MTUS1: variants seen among roughly 807,000 people sequenced by gnomAD.
The protein encoded by MTUS1 is microtubule associated scaffold protein 1.
Under a neutral mutation model 120.8 loss-of-function variants are expected in MTUS1, and 109 were observed. The ratio of observed to expected loss-of-function variants is 0.90; its 90% confidence interval spans 0.77 to 1.06. The LOEUF (loss-of-function observed/expected upper bound fraction) is 1.06. MTUS1 is among the 50% of genes least tolerant of loss of function. The pLI, the probability that MTUS1 is intolerant of heterozygous loss-of-function variation, is 0.00. For missense variants in MTUS1, 2,210 were observed against 1,486.3 expected (o/e 1.49, Z -8.01); for synonymous variants, 737 against 550.5 (o/e 1.34, Z -4.74).
At chr8:17,686,803 C>T (rs1013125383) in intron 6 of MTUS1, among the ~76,000 whole-genome samples, 1 of 152,088 alleles carries the variant, frequency 6.6e-6, no homozygotes, top group Non-Finnish European at 1.5e-5. Context: ...ACAATGTTTA[C>T]TTTTGAAGGG....
chr8:17,655,087 A>G (rs1291750640), intron 9 of MTUS1: 1 of 173,980 alleles, frequency 5.7e-6, no homozygotes, highest in Non-Finnish European at 1.2e-5. Context: ...AGGAACGAGG[A>G]TATGTTTCAC....
chr8:17,713,198 T>C lies in MTUS1; in HGVS notation c.2623+16A>G, dbSNP rs1187963991. 1.3e-6 allele frequency: 2 copies of C among 1,587,556 alleles called. No individual in the cohort carries two copies. Among genetic ancestry groups the C allele is most frequent in the Non-Finnish European group, 1.7e-6 (2 of 1,159,606 alleles). ...AAAAGATTCTTTTTATCGCCATCCA[T>C]AAAGTGGTCACTCACCTGCATTAAG... On this transcript the variant is annotated intron_variant, in intron 6 of 14. Coordinates refer to ENST00000693296, the MANE Select transcript of MTUS1 (RefSeq NM_001363059.2).
At chr8:17,700,343 G>GC (rs1818802899) in intron 6 of MTUS1, among the ~76,000 whole-genome samples, 1 of 151,578 alleles carries the variant, frequency 6.6e-6, no homozygotes, top group Non-Finnish European at 1.5e-5. Context: ...GGTGACAGGG[G>GC]CCTGTAATCC....
At chr8:17,765,291 G>T (rs1371726523) in intron 1 of MTUS1, among the ~76,000 whole-genome samples, 1 of 152,220 alleles carries the variant, frequency 6.6e-6, no homozygotes, top group East Asian at 1.9e-4. Flanking sequence ...TTCCTAACAG[G>T]CCACAGCCCA....
intron 7 of MTUS1, chr8:17,676,448 A>G: frequency 1.5e-6 from 1 of 649,326 alleles, no homozygotes; most frequent in South Asian, 1.7e-5. Flanking sequence ...GAGGCGCGCC[A>G]TTGGCCCTCG....
At chr8:17,691,601 A>G (rs765844412) in intron 6 of MTUS1, among the ~76,000 whole-genome samples, 1 of 152,220 alleles carries the variant, frequency 6.6e-6, no homozygotes, top group Non-Finnish European at 1.5e-5. Context: ...GGGGCAGTGA[A>G]AGACTACATC....
chr8:17,726,383 C>G (rs1212120057), intron 3 of MTUS1, among the ~76,000 whole-genome samples: 1 of 152,144 alleles, frequency 6.6e-6, no homozygotes, highest in African/African-American at 2.4e-5. Flanking sequence ...ACAGCATTTG[C>G]CTCCACATTC....
At chr8:17,656,875 C>T (rs903745451) in intron 8 of MTUS1, among the ~76,000 whole-genome samples, 8 of 149,054 alleles carry the variant, frequency 5.4e-5, no homozygotes, top group Non-Finnish European at 7.5e-5. Context: ...ATCGAGACCA[C>T]GGTGAAACCC....
intron 5 of MTUS1, among the ~76,000 whole-genome samples, chr8:17,715,397 G>C (rs187248603): frequency 2.0e-5 from 3 of 152,288 alleles, no homozygotes; most frequent in Admixed American, 1.3e-4. Flanking sequence ...TTAGACCAAA[G>C]ACATGAAGAC....
chr8:17,775,946 T>C (rs1008705), intron 1 of MTUS1, among the ~76,000 whole-genome samples: 57,096 of 152,110 alleles, frequency 0.38, 11,444 homozygotes, highest in South Asian at 0.55. Context: ...CCATTCAGCA[T>C]CAGCGCCGGT....
intron 3 of MTUS1, among the ~76,000 whole-genome samples, chr8:17,742,956 G>C (rs2047450819): frequency 6.6e-6 from 1 of 152,096 alleles, no homozygotes; most frequent in African/African-American, 2.4e-5. Flanking sequence ...AATTGGAATG[G>C]CTAGCAGGCT....
At chr8:17,792,792 A>T (rs1032847355) in intron 1 of MTUS1, among the ~76,000 whole-genome samples, 15 of 150,578 alleles carry the variant, frequency 1.0e-4, no homozygotes, top group African/African-American at 3.7e-4. Flanking sequence ...TAAACCTGGG[A>T]GGCGGAGGTT....
intron 2 of MTUS1, 56 bp downstream of exon 2, chr8:17,753,661 C>A: frequency 8.4e-7 from 1 of 1,186,730 alleles, no homozygotes. Context: ...GCTAACACAT[C>A]TCAGTTTTCT....
intron 8 of MTUS1, among the ~76,000 whole-genome samples, chr8:17,665,508 C>T (rs1215073216): frequency 1.7e-5 from 2 of 117,372 alleles, no homozygotes; most frequent in Non-Finnish European, 3.8e-5. Flanking sequence ...GCTGGATCTA[C>T]AACTCCAGCC....
intron 10 of MTUS1, chr8:17,653,782 C>G (rs1017974807): frequency 1.7e-5 from 5 of 302,482 alleles, no homozygotes; most frequent in Non-Finnish European, 3.0e-5. Flanking sequence ...AGTGCCATTT[C>G]AGGGCAGGCT....
chr8:17,765,602 G>C (rs2049417194), intron 1 of MTUS1, among the ~76,000 whole-genome samples: 1 of 120,976 alleles, frequency 8.3e-6, no homozygotes, highest in Admixed American at 1.0e-4. Flanking sequence ...CTAGGAAACA[G>C]AGCAAGACTC....
intron 1 of MTUS1, among the ~76,000 whole-genome samples, chr8:17,765,009 A>T (rs147018726): frequency 0.017 from 2,590 of 152,320 alleles, 34 homozygotes; most frequent in South Asian, 0.066. Flanking sequence ...GGGAGCCCTC[A>T]GTTTGTTTTC....
intron 1 of MTUS1, among the ~76,000 whole-genome samples, chr8:17,791,711 TAAGG>T (rs972753579): frequency 6.6e-6 from 1 of 152,158 alleles, no homozygotes; most frequent in Non-Finnish European, 1.5e-5. Flanking sequence ...CAATTCCTCC[TAAGG>T]AAGAGGGAAA....
intron 1 of MTUS1, among the ~76,000 whole-genome samples, chr8:17,786,165 G>A (rs1460882045): frequency 6.6e-6 from 1 of 152,032 alleles, no homozygotes; most frequent in Non-Finnish European, 1.5e-5. Context: ...AAAAAAAGCA[G>A]CTTAGAACAC....
Sources: gnomAD v4.1 joint callset for allele counts (sites outside exome capture counted in the v4.1 genomes callset) on GRCh38, gnomAD v4.1.1 for gene constraint, MANE v1.5 for transcripts, NCBI Gene and HGNC (gene_info 2026-07-23, HGNC 2026-07-21) for gene names.